CALN1: variants seen among roughly 807,000 people sequenced by gnomAD.
The protein encoded by CALN1 is calcium-binding protein 8.
A neutral mutation model predicts 30.6 loss-of-function variants in CALN1; 17 were observed. That is an observed-to-expected ratio of 0.56 (90% CI 0.38 to 0.83). The LOEUF (loss-of-function observed/expected upper bound fraction) is 0.83, where lower values mean the gene tolerates loss of function less well. CALN1 is among the 40% of genes least tolerant of loss of function. The probability of loss-of-function intolerance (pLI) is 0.00; values close to 1 mark genes in which losing one functional copy is unlikely to be tolerated. For synonymous variants in CALN1, 156 were observed against 131.4 expected (o/e 1.19, Z -1.28); for missense variants, 291 against 354.9 (o/e 0.82, Z 1.45).
chr7:71,864,844 A>C (rs188810360), intron 5 of CALN1, among the ~76,000 whole-genome samples: 23 of 152,162 alleles, frequency 1.5e-4, no homozygotes, highest in African/African-American at 5.1e-4. Context: ...TCTACAAAAA[A>C]CTTATAAATT....
At chr7:72,406,614 G>GTT (rs748063493) in intron 1 of CALN1, among the ~76,000 whole-genome samples, 1 of 59,884 alleles carries the variant, frequency 1.7e-5, no homozygotes, top group Non-Finnish European at 2.9e-5. Flanking sequence ...GTCCTTGTCA[G>GTT]CTTTTTTTTT....
At chr7:71,980,330 G>A (rs1383954837) in intron 5 of CALN1, among the ~76,000 whole-genome samples, 3 of 151,088 alleles carry the variant, frequency 2.0e-5, no homozygotes, top group African/African-American at 7.3e-5. Flanking sequence ...GGGATTACAG[G>A]TGTGCACCAC....
intron 2 of CALN1, among the ~76,000 whole-genome samples, chr7:72,314,364 T>TACATATATATATAC (rs144343177): frequency 8.6e-6 from 1 of 116,880 alleles, no homozygotes; most frequent in African/African-American, 5.0e-5. Context: ...TATATACATA[T>TACATATATATATAC]ACATATATAC....
the CALN1 span, among the ~76,000 whole-genome samples, chr7:72,468,784 T>C: frequency 6.6e-6 from 1 of 152,212 alleles, no homozygotes; most frequent in Admixed American, 6.5e-5. Flanking sequence ...CTTTGGAGTT[T>C]TCATTTGCAT....
chr7:72,014,259 G>A (rs1800256463), intron 5 of CALN1, among the ~76,000 whole-genome samples: 1 of 151,858 alleles, frequency 6.6e-6, no homozygotes, highest in Non-Finnish European at 1.5e-5. Context: ...GCTAATTTTT[G>A]TATTTTTAGT....
intron 4 of CALN1, among the ~76,000 whole-genome samples, chr7:72,034,010 A>G (rs533830549): frequency 6.6e-6 from 1 of 152,256 alleles, no homozygotes; most frequent in East Asian, 1.9e-4. Context: ...AGGAGGCAAG[A>G]GTGATGCTGA....
chr7:72,168,805 A>T (rs57377683), intron 3 of CALN1, among the ~76,000 whole-genome samples: 30,775 of 128,006 alleles, frequency 0.24, 4,981 homozygotes, highest in Non-Finnish European at 0.35. Flanking sequence ...TATTATTATT[A>T]TTTTTTTTTT....
intron 3 of CALN1, among the ~76,000 whole-genome samples, chr7:72,106,971 AAGAG>A (rs540126361): frequency 4.6e-5 from 7 of 151,302 alleles, no homozygotes; most frequent in African/African-American, 1.7e-4. Flanking sequence ...GAAAGGGAGA[AAGAG>A]AGAAAGAAAG....
At chr7:72,485,662 G>A in the CALN1 span, among the ~76,000 whole-genome samples, 1 of 152,186 alleles carries the variant, frequency 6.6e-6, no homozygotes, top group Non-Finnish European at 1.5e-5. Context: ...CCTGAGATCA[G>A]GAGTTCAAGA....
intron 1 of CALN1, among the ~76,000 whole-genome samples, chr7:72,428,973 C>T (rs1807885348): frequency 6.6e-6 from 1 of 152,190 alleles, no homozygotes; most frequent in Admixed American, 6.5e-5. Flanking sequence ...TCCAAGCAGC[C>T]CAGCTCAGCC....
intron 4 of CALN1, among the ~76,000 whole-genome samples, chr7:72,093,348 A>G (rs1002078156): frequency 6.6e-6 from 1 of 152,196 alleles, no homozygotes; most frequent in African/African-American, 2.4e-5. Context: ...ACTTCTAGGA[A>G]TCCAGCACGG....
intron 4 of CALN1, among the ~76,000 whole-genome samples, chr7:72,046,361 C>G (rs2129534852): frequency 6.6e-6 from 1 of 152,214 alleles, no homozygotes; most frequent in South Asian, 2.1e-4. Flanking sequence ...CTGCCTCAAC[C>G]TCCTGAGTAG....
intron 2 of CALN1, among the ~76,000 whole-genome samples, chr7:72,322,623 CAT>C (rs1366501373): frequency 4.6e-5 from 7 of 151,788 alleles, no homozygotes; most frequent in Admixed American, 4.6e-4. Flanking sequence ...CAATTGAACT[CAT>C]AGAGATAGAG....
chr7:72,176,006 G>T (rs1789323798), intron 3 of CALN1, among the ~76,000 whole-genome samples: 1 of 151,872 alleles, frequency 6.6e-6, no homozygotes. Context: ...CAAAAAAAAT[G>T]TATGGGAACA....
chr7:72,164,488 GA>G (rs1585072509), intron 3 of CALN1, among the ~76,000 whole-genome samples: 1 of 152,212 alleles, frequency 6.6e-6, no homozygotes, highest in East Asian at 1.9e-4. Context: ...CTAGAAGACA[GA>G]AAGAGGCAAG....
At chr7:72,383,354 G>GTT (rs759687915) in intron 2 of CALN1, among the ~76,000 whole-genome samples, 1 of 152,202 alleles carries the variant, frequency 6.6e-6, no homozygotes, top group Non-Finnish European at 1.5e-5. Flanking sequence ...TTTCCACAGT[G>GTT]GTTGAACTAA....
chr7:72,400,590 C>T (rs757050275), intron 2 of CALN1, among the ~76,000 whole-genome samples: 3 of 152,168 alleles, frequency 2.0e-5, no homozygotes, highest in Non-Finnish European at 4.4e-5. Context: ...GGAATCAAGG[C>T]CAGGCATCAT....
intron 3 of CALN1, among the ~76,000 whole-genome samples, chr7:72,181,096 A>AGCC (rs1789755682): frequency 1.3e-5 from 1 of 74,590 alleles, no homozygotes; most frequent in Non-Finnish European, 2.6e-5. Flanking sequence ...AAACTGCATA[A>AGCC]CCCCCCCCCC....
At chr7:72,214,843 G>A (rs754888133) in intron 3 of CALN1, among the ~76,000 whole-genome samples, 5 of 151,678 alleles carry the variant, frequency 3.3e-5, no homozygotes, top group Non-Finnish European at 7.4e-5. Flanking sequence ...AACCTACTGT[G>A]AACTGTGCAT....
Sources: allele counts gnomAD v4.1 joint callset (sites outside exome capture counted in the v4.1 genomes callset), GRCh38; gene constraint gnomAD v4.1.1; transcripts MANE v1.5; gene names NCBI Gene and HGNC (gene_info 2026-07-23, HGNC 2026-07-21).